The following CDH13 variants were observed in gnomAD, a reference collection of about 807,000 sequenced individuals.
The protein encoded by CDH13 is cadherin 13, also known as cadherin-13.
In CDH13, 24 loss-of-function variants were observed where a neutral mutation model predicts 63.8. The observed-to-expected ratio is 0.38, with a 90% CI of 0.27 to 0.53. The LOEUF is 0.53. Among genes scored for constraint, CDH13 ranks in the 20% least tolerant of loss-of-function variants. CDH13 has a pLI of 0.85. For missense variants in CDH13, 1,049 were observed against 903.1 expected (o/e 1.16, Z -2.07); for synonymous variants, 503 against 355.3 (o/e 1.42, Z -4.67).
At chr16:83,390,690 T>C (rs1274937691) in intron 6 of CDH13, among the ~76,000 whole-genome samples, 1 of 152,176 alleles carries the variant, frequency 6.6e-6, no homozygotes. Context: ...TGGATTCTAG[T>C]GCTCAGGGAA....
chr16:83,019,784 C>T (rs940403119), intron 2 of CDH13, among the ~76,000 whole-genome samples: 1 of 148,918 alleles, frequency 6.7e-6, no homozygotes, highest in Admixed American at 6.7e-5. Context: ...GCGTGAGCCA[C>T]CATGCCCGGC....
At chr16:83,272,176 TC>T (rs1430531391) in intron 5 of CDH13, among the ~76,000 whole-genome samples, 6 of 152,198 alleles carry the variant, frequency 3.9e-5, no homozygotes, top group African/African-American at 1.4e-4. Context: ...AGATGAAGTC[TC>T]CAGCCATAAA....
rs113286902 is a variant in CDH13, at chr16:83,316,193, T to C, written c.637-28669T>C. On this transcript the variant is annotated intron_variant, in intron 5 of 13. Coordinates refer to ENST00000567109, the MANE Select transcript of CDH13 (RefSeq NM_001257.5). ...GAAGAGCATGGGGGAACCACCCCCA[T>C]GATCTGATCACCTCCCACGAGGTCC... Among the ~76,000 whole-genome samples the C allele has an allele frequency of 4.1e-3, 625 of 152,270 alleles. 2 individuals carry two copies. The highest frequency in any genetic ancestry group is 6.8e-3 in the Middle Eastern group (2 of 294).
chr16:83,588,939 C>G (rs1906445985), intron 7 of CDH13, among the ~76,000 whole-genome samples: 1 of 152,132 alleles, frequency 6.6e-6, no homozygotes, highest in Non-Finnish European at 1.5e-5. Context: ...GGTCACCCCC[C>G]AGAGAAGGTG....
intron 4 of CDH13, among the ~76,000 whole-genome samples, chr16:83,144,638 A>G (rs1428666999): frequency 1.3e-5 from 2 of 152,242 alleles, no homozygotes; most frequent in Non-Finnish European, 2.9e-5. Context: ...CCAAAGGCAA[A>G]AAGGCAAAAA....
intron 4 of CDH13, among the ~76,000 whole-genome samples, chr16:83,128,929 C>T (rs376729105): frequency 1.3e-5 from 2 of 152,204 alleles, no homozygotes; most frequent in Admixed American, 6.5e-5. Flanking sequence ...TGCGCAAGAG[C>T]CTTCAAAACC....
chr16:83,687,555 C>A lies in CDH13; in HGVS notation c.1538+9094C>A, dbSNP rs1904432392. 1.3e-5 allele frequency among the ~76,000 whole-genome samples: 2 copies of A among 152,330 alleles called. 1 individual carries two copies. The highest frequency in any genetic ancestry group is 4.1e-4 in the South Asian group (2 of 4,828). On this transcript the variant is annotated intron_variant, in intron 10 of 13. Coordinates refer to ENST00000567109, the MANE Select transcript of CDH13 (RefSeq NM_001257.5). ...CCTGATCCCATCGCCTCCCACCAGG[C>A]TCCAACATTGGAGATTATATTTCAG... is the stretch of plus-strand genomic sequence containing the variant.
chr16:83,562,320 T>C (rs1426378251), intron 7 of CDH13, among the ~76,000 whole-genome samples: 7 of 152,112 alleles, frequency 4.6e-5, no homozygotes, highest in Non-Finnish European at 8.8e-5. Context: ...AGAGTTCAGC[T>C]CTACTACCAG....
rs796095242 is a variant in CDH13, at chr16:82,701,762, A to G, written c.45+74625A>G. ...ACTTTCCATACAAATCTTAGAAATA[A>G]ATTTTATTGGCTCTTAACATGTCAC... On this transcript the variant is annotated intron_variant, in intron 1 of 13. Transcript: ENST00000567109. 6.6e-5 allele frequency among the ~76,000 whole-genome samples: 10 copies of G among 152,246 alleles called. 1 individual carries two copies. Among genetic ancestry groups the G allele is most frequent in the African/African-American group, 2.4e-4 (10 of 41,554 alleles).
intron 10 of CDH13, among the ~76,000 whole-genome samples, chr16:83,706,744 G>C (rs560582423): frequency 1.3e-5 from 2 of 152,328 alleles, no homozygotes; most frequent in East Asian, 1.9e-4. Context: ...ATAGGATGAA[G>C]CAAGCTTCAG....
chr16:83,173,144 C>T (rs2037992905), intron 4 of CDH13, among the ~76,000 whole-genome samples: 1 of 152,140 alleles, frequency 6.6e-6, no homozygotes, highest in Non-Finnish European at 1.5e-5. Flanking sequence ...TTCTGTGAGA[C>T]TGGTGCCATG....
At chr16:82,727,138 G>A (rs2033142938) in intron 1 of CDH13, among the ~76,000 whole-genome samples, 1 of 152,140 alleles carries the variant, frequency 6.6e-6, no homozygotes, top group African/African-American at 2.4e-5. Context: ...TAGGGAAGGA[G>A]TGGCAAATCA....
intron 6 of CDH13, among the ~76,000 whole-genome samples, chr16:83,350,962 C>T (rs2090939975): frequency 1.3e-5 from 2 of 152,190 alleles, no homozygotes; most frequent in Non-Finnish European, 2.9e-5. Flanking sequence ...TAATGGCTAT[C>T]CTGAGAGCTC....
At chr16:83,010,297 T>G (rs1010233532) in intron 2 of CDH13, among the ~76,000 whole-genome samples, 4 of 152,036 alleles carry the variant, frequency 2.6e-5, no homozygotes, top group African/African-American at 9.7e-5. Flanking sequence ...AAGAACAAAT[T>G]GGAGGTCAGA....
intron 1 of CDH13, among the ~76,000 whole-genome samples, chr16:82,735,099 T>C (rs1372466619): frequency 6.6e-6 from 1 of 152,190 alleles, no homozygotes; most frequent in Non-Finnish European, 1.5e-5. Context: ...TCATATATTC[T>C]CCATGGCCTA....
chr16:82,918,076 C>G (rs1182412296), intron 2 of CDH13, among the ~76,000 whole-genome samples: 1 of 152,156 alleles, frequency 6.6e-6, no homozygotes, highest in Non-Finnish European at 1.5e-5. Context: ...CAGTTGTGCA[C>G]AAACCTGCTG....
chr16:83,187,383 CA>C (rs1264779277), intron 4 of CDH13, among the ~76,000 whole-genome samples: 1 of 152,128 alleles, frequency 6.6e-6, no homozygotes, highest in Non-Finnish European at 1.5e-5. Flanking sequence ...TGAATCCTCT[CA>C]AATGCCAGCT....
chr16:83,018,184 G>A (rs896334336), intron 2 of CDH13, among the ~76,000 whole-genome samples: 2 of 152,092 alleles, frequency 1.3e-5, no homozygotes, highest in African/African-American at 4.8e-5. Context: ...ATCTCATTTT[G>A]CCTCTGTAAA....
At chr16:83,475,948 G>A (rs2073592610) in intron 6 of CDH13, among the ~76,000 whole-genome samples, 2 of 152,178 alleles carry the variant, frequency 1.3e-5, no homozygotes, top group Admixed American at 1.3e-4. Context: ...ATAAATGATA[G>A]CGACAATAAG....
Sources: allele counts gnomAD v4.1 joint callset (sites outside exome capture counted in the v4.1 genomes callset), GRCh38; gene constraint gnomAD v4.1.1; transcripts MANE v1.5; gene names NCBI Gene and HGNC (gene_info 2026-07-23, HGNC 2026-07-21).